The following SETD2 variants were observed in gnomAD, a reference collection of about 807,000 sequenced individuals.
SETD2 encodes histone-lysine N-methyltransferase SETD2.
A neutral mutation model predicts 242.1 loss-of-function variants in SETD2; 31 were observed. That is an observed-to-expected ratio of 0.13 (90% CI 0.10 to 0.17). The LOEUF (loss-of-function observed/expected upper bound fraction) is 0.17. Ranked by LOEUF, SETD2 falls within the 10% of genes least tolerant of loss-of-function variation. The pLI, the probability that SETD2 is intolerant of heterozygous loss-of-function variation, is 1.00. For synonymous variants in SETD2, 1,006 were observed against 1,066.5 expected (o/e 0.94, Z 1.11); for missense variants, 2,481 against 3,046.3 (o/e 0.81, Z 4.37).
chr3:47,160,325 G>A (rs2106853973), intron 1 of SETD2, among the ~76,000 whole-genome samples: 1 of 151,292 alleles, frequency 6.6e-6, no homozygotes, highest in African/African-American at 2.4e-5. Flanking sequence ...TTTTCGAGAT[G>A]GAATCTCCTT....
At chr3:47,047,619 A>G (rs2039589618) in intron 15 of SETD2, among the ~76,000 whole-genome samples, 1 of 152,244 alleles carries the variant, frequency 6.6e-6, no homozygotes, top group Admixed American at 6.5e-5. Flanking sequence ...CAATGCAGCT[A>G]TCTAGCAGGT....
chr3:47,162,989 C>A (rs375509217), intron 1 of SETD2, among the ~76,000 whole-genome samples: 1 of 152,192 alleles, frequency 6.6e-6, no homozygotes, highest in Non-Finnish European at 1.5e-5. Flanking sequence ...AGAGAATCCT[C>A]AAACGATTCT....
chr3:47,158,128 T>C (rs2044167916), intron 1 of SETD2, among the ~76,000 whole-genome samples: 3 of 152,194 alleles, frequency 2.0e-5, no homozygotes, highest in Admixed American at 6.6e-5. Flanking sequence ...AGCTTGTGGA[T>C]TCCTTCTCAG....
chr3:47,145,808 G>C (rs969232365), intron 1 of SETD2, among the ~76,000 whole-genome samples: 1 of 151,964 alleles, frequency 6.6e-6, no homozygotes, highest in Non-Finnish European at 1.5e-5. Flanking sequence ...CTTAAGGCCA[G>C]GAATTTGAGA....
At chr3:47,085,459 A>T (rs2041512172) in intron 11 of SETD2, among the ~76,000 whole-genome samples, 3 of 152,194 alleles carry the variant, frequency 2.0e-5, no homozygotes, top group African/African-American at 7.2e-5. Context: ...CCTCATTCTT[A>T]GACAACCTCC....
At chr3:47,058,260 T>C (rs1246599946) in intron 14 of SETD2, among the ~76,000 whole-genome samples, 3 of 151,578 alleles carry the variant, frequency 2.0e-5, no homozygotes, top group Non-Finnish European at 4.4e-5. Flanking sequence ...CTGGCCAACA[T>C]TGTGAAATAC....
At position 47,067,122 on chromosome 3, in the gene SETD2, C is replaced by A. The variant is rs1351210219; in HGVS notation, c.6061-4G>T. 2 of 1,609,554 alleles carry A rather than the reference C, an allele frequency of 1.2e-6. No individual in the cohort carries two copies. Among genetic ancestry groups the A allele is most frequent in the Non-Finnish European group, 1.7e-6 (2 of 1,176,212 alleles). On this transcript the variant is annotated splice_polypyrimidine_tract_variant and splice_region_variant and intron_variant, in intron 12 of 20. Transcript: ENST00000409792. The stretch of plus-strand genomic sequence containing the variant: ...TCTTTGGAATTCGATATACCTCCTG[C>A]AAAAAATAAACCAGAGGGAGGGTTA...
intron 9 of SETD2, among the ~76,000 whole-genome samples, chr3:47,090,051 G>A (rs985877688): frequency 2.6e-5 from 4 of 152,076 alleles, no homozygotes; most frequent in Admixed American, 6.6e-5. Flanking sequence ...AGTTCAAGAC[G>A]AGCCTGGCCA....
intron 17 of SETD2, 64 bp downstream of exon 17, chr3:47,042,497 T>C (rs1293623497): frequency 6.4e-7 from 1 of 1,558,734 alleles, no homozygotes; most frequent in Non-Finnish European, 8.8e-7. Context: ...AAACTCCCCT[T>C]ATAGTGGCAA....
chr3:47,104,356 A>G (rs1309227493), intron 6 of SETD2, among the ~76,000 whole-genome samples: 1 of 152,120 alleles, frequency 6.6e-6, no homozygotes, highest in Non-Finnish European at 1.5e-5. Context: ...CCTGGGCAAC[A>G]CAGCAAGACC....
intron 18 of SETD2, among the ~76,000 whole-genome samples, chr3:47,025,868 G>C (rs1325392217): frequency 6.6e-6 from 1 of 152,068 alleles, no homozygotes; most frequent in Non-Finnish European, 1.5e-5. Context: ...GAAAACCTAG[G>C]CAATACCATT....
At chr3:47,049,304 A>AATATATATATATAT (rs55952850) in intron 15 of SETD2, among the ~76,000 whole-genome samples, 10 of 108,592 alleles carry the variant, frequency 9.2e-5, no homozygotes, top group South Asian at 6.4e-4. Context: ...AAGTTTTCTA[A>AATATATATATATAT]ATATATATAT....
At chr3:47,143,776 T>C (rs1355207462) in intron 1 of SETD2, among the ~76,000 whole-genome samples, 1 of 152,124 alleles carries the variant, frequency 6.6e-6, no homozygotes, top group African/African-American at 2.4e-5. Flanking sequence ...AGTGGCGCGA[T>C]CTCGGCTCAC....
intron 1 of SETD2, among the ~76,000 whole-genome samples, chr3:47,142,880 G>T (rs1025889710): frequency 6.6e-6 from 1 of 152,118 alleles, no homozygotes; most frequent in Admixed American, 6.5e-5. Flanking sequence ...TGTTGGCCAG[G>T]CTGGTCTTGA....
At chr3:47,058,440 C>CAAAAAAAAAAAAAAAAAAAAA (rs1174283471) in intron 14 of SETD2, among the ~76,000 whole-genome samples, 1 of 21,974 alleles carries the variant, frequency 4.6e-5, no homozygotes, top group African/African-American at 2.5e-4. Context: ...GACACCGTCT[C>CAAAAAAAAAAAAAAAAAAAAA]AAAAAAAAAA....
intron 1 of SETD2, among the ~76,000 whole-genome samples, chr3:47,158,618 C>A (rs769666892): frequency 6.6e-6 from 1 of 152,142 alleles, no homozygotes; most frequent in Non-Finnish European, 1.5e-5. Context: ...GTATATAATA[C>A]ACATAACATA....
chr3:47,054,823 A>G (rs563902293), intron 15 of SETD2, among the ~76,000 whole-genome samples: 2 of 152,322 alleles, frequency 1.3e-5, no homozygotes, highest in Non-Finnish European at 2.9e-5. Flanking sequence ...ATGGATGACT[A>G]TATAAGCAAA....
chr3:47,114,381 A>C (rs1025081238), intron 4 of SETD2, among the ~76,000 whole-genome samples: 1 of 152,170 alleles, frequency 6.6e-6, no homozygotes, highest in African/African-American at 2.4e-5. Context: ...AATCACTTTT[A>C]ATTTCATTTT....
At chr3:47,129,874 G>A (rs1392412250) in intron 1 of SETD2, among the ~76,000 whole-genome samples, 5 of 146,072 alleles carry the variant, frequency 3.4e-5, no homozygotes, top group Admixed American at 6.9e-5. Flanking sequence ...ATGAGACTCC[G>A]CCTCAAAAAA....
Sources: allele counts gnomAD v4.1 joint callset (sites outside exome capture counted in the v4.1 genomes callset), GRCh38; gene constraint gnomAD v4.1.1; transcripts MANE v1.5; gene names NCBI Gene and HGNC (gene_info 2026-07-23, HGNC 2026-07-21).